The following CDH18 variants were observed in gnomAD, a reference collection of about 807,000 sequenced individuals.
CDH18 encodes cadherin 18, also known as cadherin-18.
Under a neutral mutation model 67.9 loss-of-function variants are expected in CDH18, and 31 were observed. That is an observed-to-expected ratio of 0.46 (90% confidence interval 0.34 to 0.62). The LOEUF is 0.62. Ranked by LOEUF, CDH18 falls within the 20% of genes least tolerant of loss-of-function variation. The pLI, the probability that CDH18 is intolerant of heterozygous loss-of-function variation, is 0.01. For synonymous variants in CDH18, 362 were observed against 347.2 expected, an observed-to-expected ratio of 1.04 and a Z score of -0.48; for missense variants, 890 against 975.5, an observed-to-expected ratio of 0.91 and a Z score of 1.17.
intron 1 of CDH18, among the ~76,000 whole-genome samples, chr5:20,381,701 G>T (rs1743921734): frequency 6.6e-6 from 1 of 152,102 alleles, no homozygotes; most frequent in South Asian, 2.1e-4. Flanking sequence ...TCTCCAGAGA[G>T]AAGAATATCT....
At chr5:19,968,906 A>C (rs1797749994) in intron 2 of CDH18, among the ~76,000 whole-genome samples, 1 of 142,424 alleles carries the variant, frequency 7.0e-6, no homozygotes, top group South Asian at 2.2e-4. Context: ...GTGAACAGGC[A>C]AACTACAAAA....
Position 19,473,247 on chromosome 5 carries a change from T to C in CDH18, c.2352A>G (p.Ile784Met), listed in dbSNP as rs780223080. 1.9e-6 allele frequency: 3 copies of C among 1,613,330 alleles called. No homozygotes were observed. The highest frequency in any genetic ancestry group is 2.5e-6 in the Non-Finnish European group (3 of 1,179,574). The change falls in exon 13 of 13, where the codon ATA (isoleucine) becomes ATG (methionine). Residue 784 changes from isoleucine (I) to methionine (M), a missense_variant. Around this residue, in one of 2 missense-constraint regions of CDH18, gnomAD observed 656 missense variants for 668.1 expected, o/e 0.98. Coordinates refer to ENST00000382275, the MANE Select transcript of CDH18 (RefSeq NM_004934.5). ...FKKLAELYGE[I>M]ESERTT Reference sequence around the variant, plus strand: ...CCCCCTAAGTTGTTCTTTCAGATTCTATTTCTCCATAGAGTTCAGCTAACT... The same window carrying C: ...CCCCCTAAGTTGTTCTTTCAGATTCCATTTCTCCATAGAGTTCAGCTAACT...
intron 5 of CDH18, among the ~76,000 whole-genome samples, chr5:19,686,168 C>T (rs1209105724): frequency 6.6e-6 from 1 of 151,966 alleles, no homozygotes; most frequent in Non-Finnish European, 1.5e-5. Context: ...TAAAAACCAG[C>T]ACGCAATAAA....
intron 2 of CDH18, among the ~76,000 whole-genome samples, chr5:20,127,029 T>G (rs890076553): frequency 3.3e-5 from 5 of 152,150 alleles, no homozygotes; most frequent in Non-Finnish European, 7.4e-5. Context: ...TCACAAGAGA[T>G]ATGGTTTGGC....
intron 3 of CDH18, among the ~76,000 whole-genome samples, chr5:19,824,421 G>A (rs1266311982): frequency 6.6e-6 from 1 of 152,158 alleles, no homozygotes; most frequent in Non-Finnish European, 1.5e-5. Context: ...AGAGCTCCTA[G>A]GGGATTCATG....
chr5:20,020,960 C>T (rs181044304), intron 2 of CDH18, among the ~76,000 whole-genome samples: 2 of 151,948 alleles, frequency 1.3e-5, no homozygotes, highest in East Asian at 3.9e-4. Context: ...TGAGAGTAGC[C>T]AAGGGACTTG....
At chr5:20,480,070 T>C (rs1403300749) in intron 1 of CDH18, among the ~76,000 whole-genome samples, 1 of 152,108 alleles carries the variant, frequency 6.6e-6, no homozygotes, top group Non-Finnish European at 1.5e-5. Flanking sequence ...AAATAAAGAC[T>C]TTATCAGACA....
chr5:19,745,654 A>G (rs981964297), intron 4 of CDH18, among the ~76,000 whole-genome samples: 2 of 152,100 alleles, frequency 1.3e-5, no homozygotes, highest in Admixed American at 1.3e-4. Context: ...CTCCTTGGAG[A>G]TCAATAAGCC....
chr5:20,281,689 G>A (rs147590258), intron 1 of CDH18, among the ~76,000 whole-genome samples: 3,755 of 152,112 alleles, frequency 0.025, 72 homozygotes, highest in Non-Finnish European at 0.036. Flanking sequence ...TTGGCGATGC[G>A]GGCTCTCTTT....
intron 1 of CDH18, among the ~76,000 whole-genome samples, chr5:20,415,125 C>T (rs113328758): frequency 0.016 from 2,430 of 152,212 alleles, 18 homozygotes; most frequent in Non-Finnish European, 0.024. Context: ...GTGGCTCACG[C>T]CTGTAATCCT....
chr5:20,094,464 ATGAAAT>A (rs1745708314), intron 2 of CDH18, among the ~76,000 whole-genome samples: 1 of 152,118 alleles, frequency 6.6e-6, no homozygotes, highest in Non-Finnish European at 1.5e-5. Flanking sequence ...TTGGTTCCAT[ATGAAAT>A]TTAAAGTAGT....
intron 2 of CDH18, among the ~76,000 whole-genome samples, chr5:20,240,958 T>G (rs1009204211): frequency 7.9e-5 from 12 of 152,242 alleles, no homozygotes; most frequent in African/African-American, 2.9e-4. Flanking sequence ...CAGACAGATT[T>G]ATATATTCAT....
intron 1 of CDH18, among the ~76,000 whole-genome samples, chr5:20,410,329 A>T (rs1746659299): frequency 6.6e-6 from 1 of 151,880 alleles, no homozygotes; most frequent in African/African-American, 2.4e-5. Context: ...GATGATTTAT[A>T]AAACAAAAAT....
intron 3 of CDH18, among the ~76,000 whole-genome samples, chr5:19,813,509 A>C (rs1727246431): frequency 6.6e-6 from 1 of 152,098 alleles, no homozygotes; most frequent in African/African-American, 2.4e-5. Flanking sequence ...ATCTCATTAG[A>C]GAGACTCTTC....
chr5:19,560,258 A>T (rs994201975), intron 8 of CDH18, among the ~76,000 whole-genome samples: 3 of 152,166 alleles, frequency 2.0e-5, no homozygotes, highest in African/African-American at 7.2e-5. Flanking sequence ...ACCTGACTTC[A>T]AATTATATTA....
intron 3 of CDH18, among the ~76,000 whole-genome samples, chr5:19,749,595 A>G (rs1770567400): frequency 6.6e-6 from 1 of 150,684 alleles, no homozygotes; most frequent in Non-Finnish European, 1.5e-5. Context: ...TATTACAGAT[A>G]CTTAAGGATA....
chr5:20,301,467 C>A (rs535127060), intron 1 of CDH18, among the ~76,000 whole-genome samples: 1 of 152,232 alleles, frequency 6.6e-6, no homozygotes, highest in South Asian at 2.1e-4. Flanking sequence ...CATACAGTGG[C>A]CTGCGTTCTG....
intron 2 of CDH18, among the ~76,000 whole-genome samples, chr5:20,000,667 G>C (rs1190772199): frequency 2.6e-5 from 4 of 152,102 alleles, no homozygotes; most frequent in Non-Finnish European, 5.9e-5. Context: ...AGCCACAGAT[G>C]ATTATGTTGA....
chr5:20,132,707 C>T (rs1303086178), intron 2 of CDH18, among the ~76,000 whole-genome samples: 1 of 152,172 alleles, frequency 6.6e-6, no homozygotes, highest in Admixed American at 6.6e-5. Context: ...TCAAATAGCA[C>T]TAAGTAGCCT....
Sources: gnomAD v4.1 joint callset for allele counts (sites outside exome capture counted in the v4.1 genomes callset) on GRCh38, gnomAD v4.1.1 for gene constraint, gnomAD v4.1.1 regional missense constraint, MANE v1.5 for transcripts, NCBI Gene and HGNC (gene_info 2026-07-23, HGNC 2026-07-21) for gene names.